The following SAG variants were observed in gnomAD, a reference collection of about 807,000 sequenced individuals.
SAG encodes S-arrestin.
A neutral mutation model predicts 55.0 loss-of-function variants in SAG; 45 were observed. That is an observed-to-expected ratio of 0.82 (90% CI 0.64 to 1.05). SAG has a LOEUF of 1.05. SAG is among the 50% of genes least tolerant of loss of function. The pLI, the probability that SAG is intolerant of heterozygous loss-of-function variation, is 0.00. For synonymous variants in SAG, 189 were observed against 197.4 expected, an observed-to-expected ratio of 0.96 and a Z score of 0.36; for missense variants, 455 against 512.1, an observed-to-expected ratio of 0.89 and a Z score of 1.08.
intron 13 of SAG, among the ~76,000 whole-genome samples, chr2:233,341,029 G>A (rs1171709720): frequency 6.6e-6 from 1 of 152,120 alleles, no homozygotes; most frequent in Non-Finnish European, 1.5e-5. Context: ...GGCCAGGCTG[G>A]TCTCGAACTC....
chr2:233,329,331 C>T, intron 8 of SAG, 162 bp from the exon 9 acceptor site: 1 of 609,474 alleles, frequency 1.6e-6, no homozygotes, highest in Non-Finnish European at 2.9e-6. Flanking sequence ...GAATGTGTTT[C>T]AGGCCCTTCC....
At chr2:233,345,909 T>A (rs1049470936) in intron 14 of SAG, 3 of 151,662 alleles carry the variant, frequency 2.0e-5, no homozygotes, top group Non-Finnish European at 4.4e-5. Flanking sequence ...TCCCAGCACT[T>A]GGGAGGCTGA....
At chr2:233,339,025 G>C (rs990293922) in intron 12 of SAG, among the ~76,000 whole-genome samples, 4 of 152,188 alleles carry the variant, frequency 2.6e-5, no homozygotes, top group Admixed American at 6.6e-5. Context: ...ATGTGCATGT[G>C]GTAGAAGCTG....
At position 233,318,243 on chromosome 2, in the gene SAG, C is replaced by G. The variant is rs182871832; in HGVS notation, c.137-508C>G. Among the ~76,000 whole-genome samples, 54 of 152,282 alleles carry G rather than the reference C, an allele frequency of 3.5e-4. No individual in the cohort carries two copies. The East Asian group carries it at 0.01, about 28-fold the overall frequency. Reference sequence around the variant, plus strand: ...GCAGTGGCATGATCATGGCTCACTGCAGCCTTGACTTCCCGGGCTCAAGGG... The same window carrying G: ...GCAGTGGCATGATCATGGCTCACTGGAGCCTTGACTTCCCGGGCTCAAGGG... On this transcript the variant is annotated intron_variant, in intron 3 of 15. Transcript: ENST00000409110.
At chr2:233,311,181 C>G (rs765129908) in intron 2 of SAG, among the ~76,000 whole-genome samples, 13 of 152,148 alleles carry the variant, frequency 8.5e-5, no homozygotes, top group Non-Finnish European at 1.6e-4. Context: ...CCAGCGATGT[C>G]TGTGTGGCCC....
chr2:233,317,095 C>T (rs1347378648), intron 3 of SAG, among the ~76,000 whole-genome samples: 8 of 152,192 alleles, frequency 5.3e-5, no homozygotes, highest in African/African-American at 9.7e-5. Flanking sequence ...CTCCTGAGCT[C>T]AAGTGATCTG....
Position 233,340,255 on chromosome 2 carries a change from C to T in SAG, c.1023-200C>T, listed in dbSNP as rs1701057217. The stretch of plus-strand genomic sequence containing the variant: ...TACAGGCATGATCCCCCATGCCCGG[C>T]CTTTTTAAACTAATCATCTTGAGAA... On this transcript the variant is annotated intron_variant, in intron 12 of 15. Transcript: ENST00000409110. The surrounding 1 kb of genome is among the most constrained non-coding windows in gnomAD (Gnocchi z 4.2). 6.6e-6 allele frequency among the ~76,000 whole-genome samples: 1 copy of T among 152,156 alleles called. No homozygotes were observed. Among genetic ancestry groups the T allele is most frequent in the African/African-American group, 2.4e-5 (1 of 41,432 alleles).
In SAG at chr2:233,340,373, C is replaced by A; in HGVS notation, c.1023-82C>A. On this transcript the variant is annotated intron_variant, in intron 12 of 15. Transcript: ENST00000409110. The surrounding 1 kb of genome is among the most constrained non-coding windows in gnomAD (Gnocchi z 4.2). ...GGGTGCAAGGGCCATGAGAGCTGGG[C>A]TGTGTCCTGCCTCTGAATCATGGGA... 8.1e-7 allele frequency: 1 copy of A among 1,242,062 alleles called. No homozygotes were observed. The highest frequency in any genetic ancestry group is 1.2e-6 in the Non-Finnish European group (1 of 855,008). The allele number at this position is 1,242,062 out of a possible 1,614,324, so 76.9% of individuals were successfully genotyped here.
intron 6 of SAG, among the ~76,000 whole-genome samples, chr2:233,325,786 G>A (rs998754996): frequency 6.6e-6 from 1 of 152,200 alleles, no homozygotes; most frequent in African/African-American, 2.4e-5. Context: ...AAGTGGGTGC[G>A]CCCTGAGCCC....
At chr2:233,337,440 G>C (rs935810592) in intron 11 of SAG, among the ~76,000 whole-genome samples, 3 of 152,148 alleles carry the variant, frequency 2.0e-5, no homozygotes, top group African/African-American at 7.2e-5. Flanking sequence ...GTTTCGCCAT[G>C]TTGTCCAGGC....
At chr2:233,327,041 TGTGTGAGGTGTG>T in intron 6 of SAG, 68 bp from the exon 7 acceptor site, 1 of 1,008,040 alleles carries the variant, frequency 9.9e-7, no homozygotes, top group Non-Finnish European at 1.6e-6. Context: ...TCATGTGCCC[TGTGTGAGGTGTG>T]GCCCTCTGGC....
chr2:233,343,204 T>C (rs1701158383), intron 14 of SAG: 1 of 146,462 alleles, frequency 6.8e-6, no homozygotes, highest in South Asian at 2.2e-4. Flanking sequence ...TGCCTCAGCC[T>C]CCTGAATAGC....
chr2:233,338,989 G>A (rs1269284938), intron 12 of SAG: 7 of 612,270 alleles, frequency 1.1e-5, no homozygotes, highest in African/African-American at 5.5e-5. Flanking sequence ...CATTCTTAGC[G>A]CCACTTTGCA....
chr2:233,318,645 G>T, intron 3 of SAG, 106 bp from the exon 4 acceptor site: 1 of 968,106 alleles, frequency 1.0e-6, no homozygotes, highest in South Asian at 1.4e-5. Flanking sequence ...TTCTTATAAT[G>T]AACATGGATT....
At chr2:233,341,341 T>C (rs1701096894) in intron 13 of SAG, among the ~76,000 whole-genome samples, 2 of 152,184 alleles carry the variant, frequency 1.3e-5, no homozygotes, top group South Asian at 4.1e-4. Flanking sequence ...ATAACCTCAA[T>C]GCCTGTCTCA....
chr2:233,313,715 CTTTTTTTT>C (rs58355307), intron 2 of SAG, among the ~76,000 whole-genome samples: 28 of 78,952 alleles, frequency 3.5e-4, no homozygotes, highest in Non-Finnish European at 6.2e-4. Flanking sequence ...CCGGGCTAAT[CTTTTTTTT>C]TTTTTTTTTT....
Position 233,340,566 on chromosome 2 carries a change from C to A in SAG, c.1046+88C>A. ...GCTCCAAAACGGTTTCTGATGAAAG[C>A]TGCTTTCTGGACAGTTGTGCTCAGA... On this transcript the variant is annotated intron_variant, in intron 13 of 15. Coordinates refer to ENST00000409110, the MANE Select transcript of SAG (RefSeq NM_000541.5). The surrounding 1 kb of genome is among the most constrained non-coding windows in gnomAD (Gnocchi z 4.2). 1 of 1,021,474 alleles carries A rather than the reference C, an allele frequency of 9.8e-7. No individual in the cohort carries two copies. Among genetic ancestry groups the A allele is most frequent in the Non-Finnish European group, 1.5e-6 (1 of 661,104 alleles). 63.3% of individuals were successfully genotyped at this position (1,021,474 alleles called of 1,614,324 possible).
intron 11 of SAG, among the ~76,000 whole-genome samples, chr2:233,336,514 A>G (rs1240089161): frequency 2.0e-5 from 3 of 148,798 alleles, no homozygotes; most frequent in African/African-American, 7.6e-5. Flanking sequence ...ACTCCATCTC[A>G]GAAAAAAAAA....
chr2:233,320,562 C>T, intron 4 of SAG, 68 bp from the exon 5 acceptor site: 2 of 1,269,992 alleles, frequency 1.6e-6, no homozygotes, highest in Non-Finnish European at 2.2e-6. Flanking sequence ...GTTCGCTGCC[C>T]ATTCCGTCAG....
Sources: allele counts gnomAD v4.1 joint callset (sites outside exome capture counted in the v4.1 genomes callset), GRCh38; gene constraint gnomAD v4.1.1; non-coding constraint Gnocchi (gnomAD v3.1); transcripts MANE v1.5; gene names NCBI Gene and HGNC (gene_info 2026-07-23, HGNC 2026-07-21).